Variants in ADGRB3 observed in about 807,000 individuals in gnomAD.
The protein encoded by ADGRB3 is brain-specific angiogenesis inhibitor 3.
A neutral mutation model predicts 193.4 loss-of-function variants in ADGRB3; 37 were observed. The ratio of observed to expected loss-of-function variants is 0.19; its 90% CI spans 0.15 to 0.25. The LOEUF (loss-of-function observed/expected upper bound fraction) is 0.25. Among genes scored for constraint, ADGRB3 ranks in the 10% least tolerant of loss-of-function variants. The probability of loss-of-function intolerance (pLI) is 1.00; values close to 1 mark genes in which losing one functional copy is unlikely to be tolerated. For synonymous variants in ADGRB3, 690 were observed against 644.2 expected (o/e 1.07, Z -1.08); for missense variants, 1,637 against 1,852.9 (o/e 0.88, Z 2.14).
chr6:69,051,467 T>C (rs925027419), intron 15 of ADGRB3, among the ~76,000 whole-genome samples: 4 of 152,236 alleles, frequency 2.6e-5, no homozygotes, highest in African/African-American at 9.6e-5. Context: ...TAAAGTAATT[T>C]AGTAAATGTC....
chr6:68,639,326 C>T lies in ADGRB3; in HGVS notation c.651C>T (p.Asn217=), dbSNP rs1286319756. Residue 217 remains asparagine, a synonymous_variant, in exon 3 of 32, where the codon AAC becomes AAT. Coordinates refer to ENST00000370598, the MANE Select transcript of ADGRB3 (RefSeq NM_001704.3). The part of the protein sequence containing the change: ...IDDQSLILLN[N]VVLPLNEQTE... Reference sequence around the variant, plus strand: ...ACCAGTCGCTGATTTTGTTAAATAACGTGGTGTTACCCCTGAATGAGCAGA... The same window carrying T: ...ACCAGTCGCTGATTTTGTTAAATAATGTGGTGTTACCCCTGAATGAGCAGA... 1 of 1,613,408 alleles carries T rather than the reference C, an allele frequency of 6.2e-7. No homozygotes were observed. Among genetic ancestry groups the T allele is most frequent in the Admixed American group, 1.7e-5 (1 of 59,980 alleles).
chr6:68,711,826 G>A (rs757120312), intron 3 of ADGRB3, among the ~76,000 whole-genome samples: 32 of 151,938 alleles, frequency 2.1e-4, no homozygotes, highest in Non-Finnish European at 4.3e-4. Flanking sequence ...AAATAAACAT[G>A]TTTCTTACTC....
At chr6:69,307,330 C>G (rs1292316596) in intron 20 of ADGRB3, among the ~76,000 whole-genome samples, 1 of 151,464 alleles carries the variant, frequency 6.6e-6, no homozygotes, top group Non-Finnish European at 1.5e-5. Context: ...ACATTTATGC[C>G]ACATGCTGTA....
In ADGRB3 at chr6:68,671,254, C is replaced by G. The variant is rs536513437; in HGVS notation, c.757+31822C>G. Among the ~76,000 whole-genome samples the G allele has an allele frequency of 5.9e-5, 9 of 151,964 alleles. No homozygotes were observed. In the South Asian group the frequency reaches 1.9e-3, roughly 32 times the overall value. ...ATTTGGATGTCCTGTGTTTCTTTCT[C>G]TTGTCGGATTGCTCTAGGTAGGACT... On this transcript the variant is annotated intron_variant, in intron 3 of 31. Coordinates refer to ENST00000370598, the MANE Select transcript of ADGRB3 (RefSeq NM_001704.3).
chr6:68,782,910 A>T (rs1343925729), intron 3 of ADGRB3, among the ~76,000 whole-genome samples: 2 of 151,942 alleles, frequency 1.3e-5, no homozygotes. Flanking sequence ...TCATTTTTAT[A>T]GACATACCAA....
At chr6:69,276,093 T>TA (rs34761916) in intron 20 of ADGRB3, among the ~76,000 whole-genome samples, 9 of 152,198 alleles carry the variant, frequency 5.9e-5, no homozygotes, top group African/African-American at 9.7e-5. Flanking sequence ...TCTCATAAGG[T>TA]AAAAAATTCA....
intron 24 of ADGRB3, among the ~76,000 whole-genome samples, chr6:69,336,230 G>C (rs1561991376): frequency 6.6e-6 from 1 of 151,858 alleles, no homozygotes; most frequent in Non-Finnish European, 1.5e-5. Context: ...AAATGATAGA[G>C]TGAATAAAAT....
intron 8 of ADGRB3, among the ~76,000 whole-genome samples, chr6:68,958,063 T>C (rs1223404642): frequency 1.3e-5 from 2 of 152,016 alleles, no homozygotes; most frequent in Non-Finnish European, 2.9e-5. Context: ...TAGCCGGCCG[T>C]GGTGGCATGC....
chr6:69,356,360 G>C (rs1030122432), intron 28 of ADGRB3, among the ~76,000 whole-genome samples: 13 of 151,998 alleles, frequency 8.6e-5, no homozygotes, highest in African/African-American at 3.1e-4. Flanking sequence ...CATAGGACTG[G>C]GGTTATTGAG....
chr6:68,868,951 G>GTGTGTGCATGTGTT (rs781022363), intron 3 of ADGRB3, among the ~76,000 whole-genome samples: 1 of 150,394 alleles, frequency 6.6e-6, no homozygotes, highest in African/African-American at 2.5e-5. Flanking sequence ...GAGTGTGTGT[G>GTGTGTGCATGTGTT]TTTAAACTTA....
chr6:68,915,321 A>G (rs1262292201), intron 3 of ADGRB3, among the ~76,000 whole-genome samples: 1 of 152,090 alleles, frequency 6.6e-6, no homozygotes, highest in African/African-American at 2.4e-5. Flanking sequence ...TAAAGTGCCT[A>G]TTTCATTGGA....
intron 17 of ADGRB3, among the ~76,000 whole-genome samples, chr6:69,079,508 A>G (rs1241146799): frequency 6.6e-6 from 1 of 152,104 alleles, no homozygotes; most frequent in Non-Finnish European, 1.5e-5. Flanking sequence ...CCCTTTGAAA[A>G]CTGGCACAAG....
chr6:69,229,213 T>G (rs1330907672), intron 17 of ADGRB3, among the ~76,000 whole-genome samples: 2 of 152,178 alleles, frequency 1.3e-5, no homozygotes, highest in Non-Finnish European at 2.9e-5. Flanking sequence ...AGAGTGTTCT[T>G]GCTCAAAATT....
Position 69,059,996 on chromosome 6 carries a change from T to G in ADGRB3, c.2334-2938T>G, listed in dbSNP as rs537277374. Among the ~76,000 whole-genome samples the G allele has an allele frequency of 5.8e-4, 88 of 151,076 alleles. 2 individuals are homozygous for G. The South Asian group carries it at 0.018, about 32-fold the overall frequency. On this transcript the variant is annotated intron_variant, in intron 15 of 31. Coordinates refer to ENST00000370598, the MANE Select transcript of ADGRB3 (RefSeq NM_001704.3). ...AAAATCTTGCTCTCATTGAGCTTATTATCATATGGAAAAAGACATGCGTAG... is the reference window on the plus strand; with the variant it reads ...AAAATCTTGCTCTCATTGAGCTTATGATCATATGGAAAAAGACATGCGTAG...
intron 20 of ADGRB3, among the ~76,000 whole-genome samples, chr6:69,317,473 A>G (rs554490273): frequency 6.6e-6 from 1 of 151,638 alleles, no homozygotes; most frequent in South Asian, 2.1e-4. Flanking sequence ...TGTGTTGGCT[A>G]GAGAAGGAAA....
At chr6:69,261,894 G>T (rs181020275) in intron 20 of ADGRB3, among the ~76,000 whole-genome samples, 59 of 152,022 alleles carry the variant, frequency 3.9e-4, no homozygotes, top group African/African-American at 1.4e-3. Context: ...ATAAAAATAG[G>T]TTTATATAAT....
At chr6:69,284,261 C>T (rs528553871) in intron 20 of ADGRB3, among the ~76,000 whole-genome samples, 11 of 152,236 alleles carry the variant, frequency 7.2e-5, no homozygotes, top group African/African-American at 2.6e-4. Flanking sequence ...GTCCCTCTGG[C>T]ACACCACCTT....
In ADGRB3 at chr6:69,014,121, A is replaced by G. The variant is rs767592500; in HGVS notation, c.1998+15A>G. On this transcript the variant is annotated intron_variant, in intron 12 of 31. Transcript: ENST00000370598. ...ATGCACAACAGGTAAGGTTAGGGTTATTTCAGAACTTGAAGTTGGCAAAAC... is the reference window on the plus strand; with the variant it reads ...ATGCACAACAGGTAAGGTTAGGGTTGTTTCAGAACTTGAAGTTGGCAAAAC... 8 of 1,564,564 alleles carry G rather than the reference A, an allele frequency of 5.1e-6. No individual in the cohort carries two copies. Among genetic ancestry groups the G allele is most frequent in the African/African-American group, 1.4e-5 (1 of 72,550 alleles).
At chr6:68,829,496 A>G (rs1357001179) in intron 3 of ADGRB3, among the ~76,000 whole-genome samples, 1 of 152,100 alleles carries the variant, frequency 6.6e-6, no homozygotes, top group Non-Finnish European at 1.5e-5. Flanking sequence ...TTTAGCATCA[A>G]ATAAGTGGAG....
Sources: gnomAD v4.1 joint callset for allele counts (sites outside exome capture counted in the v4.1 genomes callset) on GRCh38, gnomAD v4.1.1 for gene constraint, MANE v1.5 for transcripts, NCBI Gene and HGNC (gene_info 2026-07-23, HGNC 2026-07-21) for gene names.